The following TC2N variants were observed in gnomAD, a reference collection of about 807,000 sequenced individuals.
TC2N encodes the protein tandem C2 domains, nuclear.
Under a neutral mutation model 61.9 loss-of-function variants are expected in TC2N, and 51 were observed. That is an observed-to-expected ratio of 0.82 (90% CI 0.66 to 1.04). TC2N has a LOEUF of 1.04. Ranked by LOEUF, TC2N falls within the 50% of genes least tolerant of loss-of-function variation. The probability of loss-of-function intolerance (pLI) is 0.00; values close to 1 mark genes in which losing one functional copy is unlikely to be tolerated. For synonymous variants in TC2N, 204 were observed against 192.6 expected, an observed-to-expected ratio of 1.06 and a Z score of -0.49; for missense variants, 556 against 566.7, an observed-to-expected ratio of 0.98 and a Z score of 0.19.
intron 4 of TC2N, among the ~76,000 whole-genome samples, chr14:91,801,023 T>TAC (rs561108692): frequency 6.6e-6 from 1 of 150,604 alleles, no homozygotes; most frequent in African/African-American, 2.4e-5. Flanking sequence ...TACATATATA[T>TAC]ACACACACAT....
rs144034709 is a variant in TC2N, at chr14:91,793,463, T to A, written c.856-905A>T. ...CATTACATTTTTTAAAAATTGAAGG[T>A]TCGTGGCAACACTGTGTTGAATAAG... On this transcript the variant is annotated intron_variant, in intron 8 of 11. Transcript: ENST00000435962. 4.3e-3 allele frequency among the ~76,000 whole-genome samples: 659 copies of A among 152,330 alleles called. 7 individuals carry two copies. Among genetic ancestry groups the A allele is most frequent in the African/African-American group, 0.015 (625 of 41,584 alleles).
intron 3 of TC2N, among the ~76,000 whole-genome samples, chr14:91,802,743 T>C (rs886880630): frequency 6.2e-5 from 9 of 145,340 alleles, no homozygotes; most frequent in South Asian, 2.2e-4. Context: ...AATTACAAGA[T>C]TGGGGGGGGA....
chr14:91,842,490 T>C (rs1888182164), intron 1 of TC2N, among the ~76,000 whole-genome samples: 1 of 152,222 alleles, frequency 6.6e-6, no homozygotes, highest in Non-Finnish European at 1.5e-5. Context: ...TCTTTTAGCA[T>C]ACTGAGTAAA....
intron 9 of TC2N, among the ~76,000 whole-genome samples, chr14:91,789,575 C>T (rs1395282719): frequency 6.6e-6 from 1 of 150,894 alleles, no homozygotes; most frequent in Non-Finnish European, 1.5e-5. Flanking sequence ...TGCACCACTG[C>T]ACTCCAGCCT....
At chr14:91,832,357 T>G (rs960938641) in intron 1 of TC2N, among the ~76,000 whole-genome samples, 2 of 138,326 alleles carry the variant, frequency 1.4e-5, no homozygotes, top group African/African-American at 5.5e-5. Flanking sequence ...GCCATTGCAC[T>G]CCAGCATGGG....
chr14:91,849,426 G>T (rs1425430677), intron 1 of TC2N, among the ~76,000 whole-genome samples: 1 of 152,186 alleles, frequency 6.6e-6, no homozygotes, highest in African/African-American at 2.4e-5. Context: ...GATGTGCTGA[G>T]AGAAGTAAAG....
intron 1 of TC2N, among the ~76,000 whole-genome samples, chr14:91,849,974 G>A (rs1168832929): frequency 6.6e-6 from 1 of 151,484 alleles, no homozygotes; most frequent in Non-Finnish European, 1.5e-5. Context: ...ACTTGAACCT[G>A]GGAGGTGGAG....
intron 10 of TC2N, among the ~76,000 whole-genome samples, chr14:91,786,187 G>A (rs1043711293): frequency 1.3e-5 from 2 of 152,170 alleles, no homozygotes; most frequent in Non-Finnish European, 2.9e-5. Context: ...GCTGTTTTAA[G>A]GGAAGCCCGT....
intron 3 of TC2N, among the ~76,000 whole-genome samples, chr14:91,804,716 A>AC (rs1226938975): frequency 6.6e-6 from 1 of 152,182 alleles, no homozygotes; most frequent in Non-Finnish European, 1.5e-5. Context: ...AAATTAAACT[A>AC]CAATATTCAG....
rs763905181 is a variant in TC2N, at chr14:91,813,726, T to C, written c.44A>G (p.Tyr15Cys). 1.8e-5 allele frequency: 29 copies of C among 1,608,670 alleles called. No individual in the cohort carries two copies. The highest frequency in any genetic ancestry group is 2.4e-5 in the Non-Finnish European group (28 of 1,176,324). The change falls in exon 2 of 12, where the codon TAT becomes TGT. Residue 15 changes from tyrosine (Y) to cysteine (C), a missense_variant. Tyr to Cys is a radical substitution (Grantham distance 194). Transcript: ENST00000435962. ...FIKSCCGGCF[Y>C]GETEKHNFSV... ...ACAGTTGTGTTTTTCTGTTTCACCA[T>C]AGAAACATCCTCCACAGCAACTCTT...
intron 9 of TC2N, among the ~76,000 whole-genome samples, chr14:91,789,335 G>A (rs566160734): frequency 1.3e-5 from 2 of 151,526 alleles, no homozygotes; most frequent in East Asian, 2.0e-4. Context: ...GGTGGCTCAC[G>A]CATGTAATCC....
intron 9 of TC2N, among the ~76,000 whole-genome samples, chr14:91,791,357 A>C (rs1286924161): frequency 6.6e-6 from 1 of 152,178 alleles, no homozygotes; most frequent in African/African-American, 2.4e-5. Context: ...AAGCACTTCC[A>C]GTCACCTTAA....
rs781159095 is a variant in TC2N at position 91,813,814 on chromosome 14, CTTAATA to C, written c.-51_-46del. The stretch of plus-strand genomic sequence containing the variant: ...CCAGCAAAAGACACAAACTTCCAAT[CTTAATA>C]TTAATCTGTTGGTAGAATAGAAAAC... On this transcript the variant is annotated 5_prime_UTR_variant, in exon 2 of 12. Coordinates refer to ENST00000435962, the MANE Select transcript of TC2N (RefSeq NM_001128596.3). 3.0e-6 allele frequency: 4 copies of C among 1,339,886 alleles called. No homozygotes were observed. The South Asian group carries it at 4.8e-5, about 16-fold the overall frequency. 83.0% of individuals were successfully genotyped at this position (1,339,886 alleles called of 1,614,324 possible). A position where few individuals can be genotyped will look rare whatever the true frequency, so the allele number is the denominator to read the frequency against.
intron 5 of TC2N, 113 bp downstream of exon 5, chr14:91,800,168 C>T (rs60269824): frequency 1.3e-5 from 7 of 539,808 alleles, no homozygotes; most frequent in African/African-American, 9.9e-5. Context: ...GATATCAGAA[C>T]AGATACATCT....
chr14:91,829,681 G>A (rs537430242), intron 1 of TC2N, among the ~76,000 whole-genome samples: 10 of 152,010 alleles, frequency 6.6e-5, no homozygotes, highest in African/African-American at 1.9e-4. Flanking sequence ...GGTTTATTTC[G>A]AGGTTCTATC....
chr14:91,798,173 T>C, intron 7 of TC2N, 126 bp downstream of exon 7: 1 of 579,750 alleles, frequency 1.7e-6, no homozygotes. Flanking sequence ...TCTGTAAAAA[T>C]ATTAAAGAAT....
chr14:91,782,636 T>A lies in TC2N; in HGVS notation c.*464A>T, dbSNP rs1392873840. The A allele has an allele frequency of 6.6e-6, 1 of 152,178 alleles. No homozygotes were observed. 9.4% of individuals were successfully genotyped at this position (152,178 alleles called of 1,614,324 possible). A position where few individuals can be genotyped will look rare whatever the true frequency, so the allele number is the denominator to read the frequency against. ...TTCATTTTTACCGGGAGAAAATACA[T>A]AGCAAGAGGTAAACAGTGGAGCCAA... On this transcript the variant is annotated 3_prime_UTR_variant, in exon 12 of 12. Transcript: ENST00000435962.
chr14:91,828,438 A>G (rs1887596828), intron 1 of TC2N, among the ~76,000 whole-genome samples: 1 of 152,046 alleles, frequency 6.6e-6, no homozygotes, highest in South Asian at 2.1e-4. Context: ...AGAACATCTA[A>G]TACCAAATAT....
intron 8 of TC2N, among the ~76,000 whole-genome samples, chr14:91,794,668 G>T (rs377392907): frequency 6.6e-6 from 1 of 151,388 alleles, no homozygotes; most frequent in Non-Finnish European, 1.5e-5. Flanking sequence ...AAAAAAAAAA[G>T]ATTCCTTTCA....
Sources: gnomAD v4.1 joint callset for allele counts (sites outside exome capture counted in the v4.1 genomes callset) on GRCh38, gnomAD v4.1.1 for gene constraint, MANE v1.5 for transcripts, NCBI Gene and HGNC (gene_info 2026-07-23, HGNC 2026-07-21) for gene names.